Variants in STXBP6 observed in about 807,000 individuals in gnomAD.
STXBP6 encodes the protein syntaxin-binding protein 6.
Under a neutral mutation model 26.9 loss-of-function variants are expected in STXBP6, and 21 were observed. The ratio of observed to expected loss-of-function variants is 0.78; its 90% CI spans 0.55 to 1.12. STXBP6 has a LOEUF of 1.12. Among genes scored for constraint, STXBP6 ranks in the 50% most tolerant of loss-of-function variants. The pLI, the probability that STXBP6 is intolerant of heterozygous loss-of-function variation, is 0.00. For synonymous variants in STXBP6, 97 were observed against 92.6 expected (o/e 1.05, Z -0.27); for missense variants, 232 against 257.9 (o/e 0.90, Z 0.69).
chr14:24,958,996 C>T (rs2073434492), intron 2 of STXBP6, among the ~76,000 whole-genome samples: 2 of 152,096 alleles, frequency 1.3e-5, no homozygotes, highest in South Asian at 2.1e-4. Context: ...CAGTGTTTGT[C>T]ATAATGCGTC....
At chr14:24,985,286 A>G (rs1011006536) in intron 1 of STXBP6, among the ~76,000 whole-genome samples, 12 of 152,236 alleles carry the variant, frequency 7.9e-5, no homozygotes, top group Non-Finnish European at 1.3e-4. Flanking sequence ...AATGCCTATG[A>G]AAGCCTCATC....
intron 1 of STXBP6, among the ~76,000 whole-genome samples, chr14:24,984,530 T>G (rs2074285476): frequency 2.0e-5 from 3 of 152,206 alleles, no homozygotes; most frequent in Admixed American, 6.5e-5. Flanking sequence ...CAGTGAGGTT[T>G]ATGAACACTT....
intron 1 of STXBP6, among the ~76,000 whole-genome samples, chr14:25,000,241 T>C (rs1402133300): frequency 6.6e-6 from 1 of 151,992 alleles, no homozygotes; most frequent in South Asian, 2.1e-4. Flanking sequence ...TTTTTTGTAT[T>C]TTTAGTAGAG....
intron 1 of STXBP6, among the ~76,000 whole-genome samples, chr14:24,989,728 A>C (rs1486613533): frequency 6.6e-6 from 1 of 152,196 alleles, no homozygotes; most frequent in East Asian, 1.9e-4. Flanking sequence ...TCAGAATGCA[A>C]GCAAGGAGGC....
chr14:25,036,715 G>A (rs1280474271), intron 1 of STXBP6, among the ~76,000 whole-genome samples: 1 of 151,890 alleles, frequency 6.6e-6, no homozygotes, highest in African/African-American at 2.4e-5. Flanking sequence ...AATTAGCCGG[G>A]CGTGGTGGCA....
rs1331675431 is a variant in STXBP6, at chr14:25,046,235, G to A, written c.-33+3643C>T. ...GGTAACACCCAAAATATAAACATCA[G>A]GTTATGGGAAGAAATTTTAAAATAG... On this transcript the variant is annotated intron_variant, in intron 1 of 5. Coordinates refer to ENST00000323944, the MANE Select transcript of STXBP6 (RefSeq NM_001394410.1). Among the ~76,000 whole-genome samples the A allele has an allele frequency of 2.0e-5, 3 of 152,142 alleles. No individual in the cohort carries two copies. The East Asian group carries it at 5.8e-4, about 29-fold the overall frequency.
chr14:24,928,489 A>C (rs1013416305), intron 2 of STXBP6, among the ~76,000 whole-genome samples: 2 of 152,136 alleles, frequency 1.3e-5, no homozygotes, highest in South Asian at 4.2e-4. Context: ...TAAATCCATT[A>C]TTTCTTTTCC....
intron 2 of STXBP6, among the ~76,000 whole-genome samples, chr14:24,973,375 CTTCCTTTTTTT>C (rs2073955617): frequency 7.4e-6 from 1 of 135,056 alleles, no homozygotes; most frequent in African/African-American, 2.9e-5. Flanking sequence ...TAAAAGCTTT[CTTCCTTTTTTT>C]TTTTTTTTTT....
At chr14:24,980,951 C>G (rs987975539) in intron 1 of STXBP6, among the ~76,000 whole-genome samples, 2 of 152,204 alleles carry the variant, frequency 1.3e-5, no homozygotes, top group Non-Finnish European at 2.9e-5. Flanking sequence ...TTCAGGGGAT[C>G]TGGGGCTAGG....
At chr14:24,936,622 AC>A (rs1336326226) in intron 2 of STXBP6, among the ~76,000 whole-genome samples, 2 of 152,176 alleles carry the variant, frequency 1.3e-5, no homozygotes, top group Non-Finnish European at 2.9e-5. Flanking sequence ...AAGTAAAGAG[AC>A]CCATGAGGAA....
chr14:24,931,509 T>C (rs1441009624), intron 2 of STXBP6, among the ~76,000 whole-genome samples: 2 of 152,218 alleles, frequency 1.3e-5, no homozygotes, highest in South Asian at 2.1e-4. Flanking sequence ...GAGTTAGGTT[T>C]ATTTCTTTTT....
At chr14:24,890,012 A>C (rs909901617) in intron 2 of STXBP6, among the ~76,000 whole-genome samples, 3 of 152,242 alleles carry the variant, frequency 2.0e-5, no homozygotes, top group Non-Finnish European at 2.9e-5. Context: ...TAGAGCCACT[A>C]ATTCCAGAAG....
intron 1 of STXBP6, among the ~76,000 whole-genome samples, chr14:25,011,550 TACTGGG>T (rs2075032049): frequency 6.6e-6 from 1 of 152,210 alleles, no homozygotes; most frequent in South Asian, 2.1e-4. Context: ...AATGGCACGT[TACTGGG>T]TTCAGTCCAA....
At chr14:24,863,427 C>T (rs1477121011) in intron 2 of STXBP6, among the ~76,000 whole-genome samples, 1 of 152,142 alleles carries the variant, frequency 6.6e-6, no homozygotes, top group Non-Finnish European at 1.5e-5. Context: ...CACAAGAAAC[C>T]ATGAACTTAC....
chr14:24,981,333 C>T (rs954088811), intron 1 of STXBP6, among the ~76,000 whole-genome samples: 34 of 151,924 alleles, frequency 2.2e-4, no homozygotes, highest in South Asian at 4.2e-4. Flanking sequence ...TGCAGTGGCA[C>T]CATCTTGGCT....
chr14:24,826,067 G>A (rs1281288370), intron 4 of STXBP6, among the ~76,000 whole-genome samples: 1 of 152,198 alleles, frequency 6.6e-6, no homozygotes, highest in East Asian at 1.9e-4. Flanking sequence ...AACCAGCTAT[G>A]ATCTACAGGT....
chr14:25,022,204 C>T lies in STXBP6; in HGVS notation c.-33+27674G>A, dbSNP rs533653880. ...AAGTACATAGTGGCCCAGGGTTAAT[C>T]GATATGATTAGGGCCAGTTTCTTTA... On this transcript the variant is annotated intron_variant, in intron 1 of 5. Coordinates refer to ENST00000323944, the MANE Select transcript of STXBP6 (RefSeq NM_001394410.1). Among the ~76,000 whole-genome samples the T allele has an allele frequency of 2.8e-4, 42 of 152,268 alleles. No homozygotes were observed. The South Asian group carries it at 5.4e-3, about 20-fold the overall frequency.
chr14:24,945,592 A>C (rs1170194269), intron 2 of STXBP6, among the ~76,000 whole-genome samples: 1 of 151,944 alleles, frequency 6.6e-6, no homozygotes. Context: ...AAACAAAACA[A>C]ACAAAACACT....
Position 25,049,997 on chromosome 14 carries a change from C to T in STXBP6, c.-152G>A, listed in dbSNP as rs946554105. ...CGGGCTCCGGACAAGGCTTAGCCGG[C>T]CCGGGTGCTGGCTCGCCGCCGCTCG... is the stretch of plus-strand genomic sequence containing the variant. On this transcript the variant is annotated 5_prime_UTR_variant, in exon 1 of 6. Transcript: ENST00000323944. This position sits in a 1 kb window ranked among gnomAD's most constrained non-coding sequence, Gnocchi z 5.6. 17 of 530,666 alleles carry T rather than the reference C, an allele frequency of 3.2e-5. No individual in the cohort carries two copies. Among genetic ancestry groups the T allele is most frequent in the Non-Finnish European group, 3.6e-5 (15 of 414,768 alleles). The allele number at this position is 530,666 out of a possible 1,614,324, so 32.9% of individuals were successfully genotyped here. A position where few individuals can be genotyped will look rare whatever the true frequency, so the allele number is the denominator to read the frequency against.
Sources: allele counts gnomAD v4.1 joint callset (sites outside exome capture counted in the v4.1 genomes callset), GRCh38; gene constraint gnomAD v4.1.1; non-coding constraint Gnocchi (gnomAD v3.1); transcripts MANE v1.5; gene names NCBI Gene and HGNC (gene_info 2026-07-23, HGNC 2026-07-21).